Variants in REC8 observed in about 807,000 individuals in gnomAD.
The protein encoded by REC8 is meiotic recombination protein REC8 homolog.
In REC8, 42 loss-of-function variants were observed where a neutral mutation model predicts 78.3. That is an observed-to-expected ratio of 0.54 (90% CI 0.42 to 0.69). The LOEUF is 0.69. REC8 is among the 30% of genes least tolerant of loss of function. The pLI is 0.00. For synonymous variants in REC8, 268 were observed against 274.1 expected (o/e 0.98, Z 0.22); for missense variants, 581 against 715.8 (o/e 0.81, Z 2.15).
chr14:24,172,885 G>T lies in REC8; in HGVS notation c.126-14G>T. On this transcript the variant is annotated splice_polypyrimidine_tract_variant and intron_variant, in intron 2 of 18. Transcript: ENST00000611366. ...TCCTGGACGCAGCGGTAATCAGGGC[G>T]CATTGTTCCCCAGCGAGGAAATCCT... 1.9e-6 allele frequency: 3 copies of T among 1,613,276 alleles called. No individual in the cohort carries two copies. Among genetic ancestry groups the T allele is most frequent in the Non-Finnish European group, 1.7e-6 (2 of 1,179,958 alleles).
At position 24,178,104 on chromosome 14, in the gene REC8, T is replaced by C. The variant is rs1243650199; in HGVS notation, c.878T>C (p.Val293Ala). The C allele has an allele frequency of 2.5e-6, 4 of 1,612,756 alleles. No individual in the cohort carries two copies. The highest frequency in any genetic ancestry group is 1.7e-5 in the Admixed American group (1 of 59,886). ...CCCACTCAACAGAGGAGGCCCCCAG[T>C]CCCCCCACCTCCTCGCCGCCGCCGT... ...APPSPERRPP[V>A]PPPPRRRRRR... Residue 293 changes from valine to alanine, a missense_variant, in exon 12 of 19, where the codon GTC becomes GCC. Physicochemically the swap from Val to Ala is moderately conservative, Grantham distance 64. Transcript: ENST00000611366.
chr14:24,177,639 C>G, intron 10 of REC8, 70 bp from the exon 11 acceptor site: 1 of 1,575,466 alleles, frequency 6.3e-7, no homozygotes, highest in Non-Finnish European at 8.6e-7. Flanking sequence ...GAGGACCCTG[C>G]AGTTTCTTGC....
chr14:24,173,313 C>T lies in REC8; in HGVS notation c.364C>T (p.His122Tyr). 1.2e-6 allele frequency: 2 copies of T among 1,614,224 alleles called. No individual in the cohort carries two copies. Among genetic ancestry groups the T allele is most frequent in the Non-Finnish European group, 1.7e-6 (2 of 1,180,032 alleles). The change falls in exon 5 of 19, where the codon CAC (histidine) becomes TAC (tyrosine). Residue 122 changes from histidine (H) to tyrosine (Y), a missense_variant. Coordinates refer to ENST00000611366, the MANE Select transcript of REC8 (RefSeq NM_001048205.2). ...TELPSLLLPN[H>Y]LAMMETLEDA... is the part of the protein sequence containing the mutation. Reference sequence around the variant, plus strand: ...CAGACCCAGCCTGCTGCTTCCTAACCACCTGGCCATGATGGAGACCCTAGA... The same window carrying T: ...CAGACCCAGCCTGCTGCTTCCTAACTACCTGGCCATGATGGAGACCCTAGA...
rs923282172 is a variant in REC8 at position 24,174,181 on chromosome 14, G to A, written c.462+770G>A. ...CCCGGCCCAATTTTTTTAGGGTTTC[G>A]CCTTATCGGCCAGGCTGGTCTCGAA... On this transcript the variant is annotated intron_variant, in intron 5 of 18. Coordinates refer to ENST00000611366, the MANE Select transcript of REC8 (RefSeq NM_001048205.2). Among the ~76,000 whole-genome samples the A allele has an allele frequency of 9.2e-5, 14 of 151,984 alleles. No homozygotes were observed. In the East Asian group the frequency reaches 1.2e-3, roughly 13 times the overall value.
intron 11 of REC8, 34 bp downstream of exon 11, chr14:24,177,792 CCT>C: frequency 6.5e-7 from 1 of 1,533,556 alleles, no homozygotes; most frequent in Non-Finnish European, 8.8e-7. Context: ...TCCTCCTCCT[CCT>C]CTTTGCCCTC....
In REC8 at chr14:24,173,116, C is replaced by T. The variant is rs2139121931; in HGVS notation, c.269-10C>T. 1 of 1,613,908 alleles carries T rather than the reference C, an allele frequency of 6.2e-7. No homozygotes were observed. Among genetic ancestry groups the T allele is most frequent in the Non-Finnish European group, 8.5e-7 (1 of 1,180,042 alleles). On this transcript the variant is annotated splice_polypyrimidine_tract_variant and intron_variant, in intron 3 of 18. Coordinates refer to ENST00000611366, the MANE Select transcript of REC8 (RefSeq NM_001048205.2). ...AAGCTGGCTGTCTACCTCGTCCTCC[C>T]TGCCCACAGAGGACATCCAGCACAT... is the stretch of plus-strand genomic sequence containing the variant.
At chr14:24,173,890 G>T (rs1441371420) in intron 5 of REC8, among the ~76,000 whole-genome samples, 1 of 152,028 alleles carries the variant, frequency 6.6e-6, no homozygotes, top group Non-Finnish European at 1.5e-5. Context: ...TTTTGAGACA[G>T]GATCTTGCTC....
At chr14:24,180,488 G>T, downstream of REC8, 1 of 1,613,906 alleles carries the variant, frequency 6.2e-7, no homozygotes, top group Non-Finnish European at 8.5e-7. Context: ...CTTGTCAACA[G>T]GCAGTGAGCC....
rs759287879 is a variant in REC8 at position 24,172,731 on chromosome 14, C to T, written c.75C>T (p.Gly25=). 1.2e-6 allele frequency: 2 copies of T among 1,614,210 alleles called. No individual in the cohort carries two copies. The highest frequency in any genetic ancestry group is 2.2e-5 in the East Asian group (1 of 44,886). ...FATIWLAATR[G]SRLVKREYLR... ...ACTTCAGGCTGGCGGCGACTCGCGG[C>T]AGCCGGTTGGTGAAGCGCGAATACC... Residue 25 remains glycine, a synonymous_variant, in exon 2 of 19, where the codon GGC becomes GGT. Coordinates refer to ENST00000611366, the MANE Select transcript of REC8 (RefSeq NM_001048205.2).
At chr14:24,180,670 C>G (rs748202443), downstream of REC8, 24 of 1,614,008 alleles carry the variant, frequency 1.5e-5, no homozygotes, top group Admixed American at 3.2e-4. Context: ...AAGCCCCTGC[C>G]TATGACTCCT....
rs2039064522 is a variant in REC8 at position 24,179,442 on chromosome 14, T to C, written c.1298T>C (p.Leu433Pro). 6.2e-7 allele frequency: 1 copy of C among 1,614,000 alleles called. No individual in the cohort carries two copies. Among genetic ancestry groups the C allele is most frequent in the Admixed American group, 1.7e-5 (1 of 60,008 alleles). The part of the protein sequence containing the change: ...AAEEEKSRIS[L>P]IPPEERWAWP... ...GAAGAGGAGAAGTCCCGCATCAGCC[T>C]CATCCCACCAGAAGAACGGTGGTAA... Residue 433 changes from leucine to proline, a missense_variant, in exon 16 of 19, where the codon CTC becomes CCC. Leu to Pro is a moderately conservative substitution (Grantham distance 98). Transcript: ENST00000611366.
intron 10 of REC8, 61 bp downstream of exon 10, chr14:24,177,602 G>A: frequency 1.3e-6 from 2 of 1,583,232 alleles, no homozygotes; most frequent in Non-Finnish European, 1.7e-6. Context: ...CTGCAGACAA[G>A]GGCTTTATAT....
chr14:24,180,752 CT>C, downstream of REC8: 1 of 1,613,884 alleles, frequency 6.2e-7, no homozygotes, highest in Non-Finnish European at 8.5e-7. Flanking sequence ...GGAGCCACAT[CT>C]ATAACCTGTG....
chr14:24,178,174 G>T lies in REC8; in HGVS notation c.948G>T (p.Pro316=). ...LFWDKETQIS[P]EKFQEQLQTR... is the part of the protein sequence containing the mutation. ...GGGACAAGGAGACTCAGATCTCCCC[G>T]GAGAAATTCCAGGAACAACTGCAAA... is the stretch of plus-strand genomic sequence containing the variant. The change falls in exon 12 of 19, where the codon CCG becomes CCT. Residue 316 remains proline (P), a synonymous_variant. Transcript: ENST00000611366. The T allele has an allele frequency of 6.2e-7, 1 of 1,614,042 alleles. No individual in the cohort carries two copies. The highest frequency in any genetic ancestry group is 8.5e-7 in the Non-Finnish European group (1 of 1,179,954).
intron 7 of REC8, 68 bp from the exon 8 acceptor site, chr14:24,177,073 C>T: frequency 6.7e-7 from 1 of 1,495,200 alleles, no homozygotes. Context: ...GATCCACTCT[C>T]CTGGATCCAC....
chr14:24,179,132 A>G lies in REC8; in HGVS notation c.1251A>G (p.Leu417=). ...CCAGTGTTCCCCTTATGGTGTCTTT[A>G]GGTAAGCACCTAGAGAAGAGGCGCA... ...LEPSVPLMVS[L]EISLEAAEEE... The change falls in exon 15 of 19, where the codon TTA becomes TTG. Residue 417 remains leucine (L), a splice_region_variant and synonymous_variant. Transcript: ENST00000611366. The G allele has an allele frequency of 6.4e-7, 1 of 1,572,492 alleles. No homozygotes were observed. Among genetic ancestry groups the G allele is most frequent in the Admixed American group, 1.9e-5 (1 of 52,566 alleles).
At position 24,180,142 on chromosome 14, in the gene REC8, T is replaced by C; in HGVS notation, c.*47T>C. On this transcript the variant is annotated 3_prime_UTR_variant, in exon 19 of 19. Transcript: ENST00000611366. ...CTGCCAGGAAACCGGCCACTTCTAG[T>C]AAACCACGTCGTGCCTCACTGGGTC... 6.2e-7 allele frequency: 1 copy of C among 1,614,116 alleles called. No homozygotes were observed. The highest frequency in any genetic ancestry group is 8.5e-7 in the Non-Finnish European group (1 of 1,180,034).
In REC8 at chr14:24,174,006, C is replaced by T. The variant is rs533533295; in HGVS notation, c.462+595C>T. Among the ~76,000 whole-genome samples the T allele has an allele frequency of 3.9e-5, 6 of 152,122 alleles. No homozygotes were observed. The South Asian group carries it at 1.2e-3, about 32-fold the overall frequency. The stretch of plus-strand genomic sequence containing the variant: ...TCAGCCTCCCGAGTAGCTGGGACTA[C>T]AGGCATTTGCCACCATGCCCAACTG... On this transcript the variant is annotated intron_variant, in intron 5 of 18. Transcript: ENST00000611366.
chr14:24,175,845 G>GGC (rs1299442959), intron 6 of REC8, among the ~76,000 whole-genome samples: 1 of 151,844 alleles, frequency 6.6e-6, no homozygotes, highest in Non-Finnish European at 1.5e-5. Flanking sequence ...TGGGATTACA[G>GGC]ATGTGCACTA....
Sources: allele counts gnomAD v4.1 joint callset (sites outside exome capture counted in the v4.1 genomes callset), GRCh38; gene constraint gnomAD v4.1.1; transcripts MANE v1.5; gene names NCBI Gene and HGNC (gene_info 2026-07-23, HGNC 2026-07-21).